KCNAB2: variants seen among roughly 807,000 people sequenced by gnomAD.
KCNAB2 encodes the protein potassium voltage-gated channel subfamily A regulatory beta subunit 2.
In KCNAB2, 29 loss-of-function variants were observed where a neutral mutation model predicts 63.6. The observed-to-expected ratio is 0.46, with a 90% CI of 0.34 to 0.62. The LOEUF (loss-of-function observed/expected upper bound fraction) is 0.62. KCNAB2 is among the 20% of genes least tolerant of loss of function. The pLI is 0.01. For missense variants in KCNAB2, 359 were observed against 563.9 expected, an observed-to-expected ratio of 0.64 and a Z score of 3.68; for synonymous variants, 222 against 224.2, an observed-to-expected ratio of 0.99 and a Z score of 0.09.
At chr1:6,092,058 T>C (rs1665236608) in intron 10 of KCNAB2, among the ~76,000 whole-genome samples, 2 of 152,206 alleles carry the variant, frequency 1.3e-5, no homozygotes, top group South Asian at 4.1e-4. Context: ...GTCTGCCAAC[T>C]GGTGCTGCCA....
At chr1:6,095,919 A>T (rs1571110659) in intron 13 of KCNAB2, among the ~76,000 whole-genome samples, 2 of 65,604 alleles carry the variant, frequency 3.0e-5, no homozygotes, top group Non-Finnish European at 5.8e-5. Context: ...CACATCCCCC[A>T]CCTCTGCCCC....
intron 1 of KCNAB2, among the ~76,000 whole-genome samples, chr1:6,050,011 C>T (rs1171749463): frequency 6.6e-6 from 1 of 152,178 alleles, no homozygotes; most frequent in Non-Finnish European, 1.5e-5. Context: ...AACTCCTGCC[C>T]CTTGTGGGTC....
intron 1 of KCNAB2, among the ~76,000 whole-genome samples, chr1:6,039,240 G>A (rs1473003270): frequency 1.3e-5 from 2 of 152,224 alleles, no homozygotes; most frequent in Admixed American, 1.3e-4. Flanking sequence ...GAAGGCGGGG[G>A]CCTGGGTCAA....
At chr1:6,050,105 G>A (rs1661261041) in intron 1 of KCNAB2, among the ~76,000 whole-genome samples, 1 of 152,224 alleles carries the variant, frequency 6.6e-6, no homozygotes, top group Non-Finnish European at 1.5e-5. Flanking sequence ...CAAGGACCGT[G>A]CTAAAGCCTC....
At chr1:6,091,194 G>A (rs368289228) in intron 9 of KCNAB2, 69 bp from the exon 10 acceptor site, 17 of 1,186,486 alleles carry the variant, frequency 1.4e-5, no homozygotes, top group East Asian at 1.3e-4. Flanking sequence ...CTGTGCCTTC[G>A]TCGTGCCACG....
intron 1 of KCNAB2, among the ~76,000 whole-genome samples, chr1:6,022,713 G>C (rs1201174025): frequency 6.6e-6 from 1 of 151,970 alleles, no homozygotes; most frequent in Non-Finnish European, 1.5e-5. Context: ...CTACTCTAGG[G>C]ACCTCAGATC....
At chr1:6,013,311 G>A (rs777650336) in intron 1 of KCNAB2, among the ~76,000 whole-genome samples, 8 of 152,026 alleles carry the variant, frequency 5.3e-5, no homozygotes, top group Non-Finnish European at 1.0e-4. Flanking sequence ...TGGGGTAGGC[G>A]CTTGGCAGAA....
intron 1 of KCNAB2, among the ~76,000 whole-genome samples, chr1:6,008,761 C>T (rs147813318): frequency 0.013 from 1,938 of 152,286 alleles, 14 homozygotes; most frequent in Middle Eastern, 0.024. Flanking sequence ...CGAACCACCA[C>T]CCCAGAGCTC....
chr1:6,009,125 G>A (rs1163161784), intron 1 of KCNAB2, among the ~76,000 whole-genome samples: 1 of 152,192 alleles, frequency 6.6e-6, no homozygotes. Context: ...TCTCATCTCG[G>A]GACATGAGCT....
rs946218287 is a variant in KCNAB2, at chr1:6,024,820, G to A, written c.-52-15697G>A. Among the ~76,000 whole-genome samples the A allele has an allele frequency of 2.0e-5, 3 of 152,182 alleles. No homozygotes were observed. Among genetic ancestry groups the A allele is most frequent in the Non-Finnish European group, 4.4e-5 (3 of 68,030 alleles). On this transcript the variant is annotated intron_variant, in intron 1 of 16. Coordinates refer to the KCNAB2 transcript ENST00000341524. The surrounding 1 kb of genome is among the most constrained non-coding windows in gnomAD (Gnocchi z 5.4). ...GGGCAGGAGGTCAAGGTATGTGTGA[G>A]GAAAGAACCCCAATTTCGAGCTGGA...
intron 5 of KCNAB2, among the ~76,000 whole-genome samples, chr1:6,084,543 C>T (rs564947700): frequency 2.9e-4 from 44 of 152,324 alleles, no homozygotes; most frequent in South Asian, 2.3e-3. Flanking sequence ...TGTCCCGGCG[C>T]GGTGGCTCAC....
intron 1 of KCNAB2, among the ~76,000 whole-genome samples, chr1:6,047,676 T>C (rs980819583): frequency 2.6e-5 from 4 of 152,068 alleles, no homozygotes; most frequent in African/African-American, 9.7e-5. Flanking sequence ...GTTCTACAAA[T>C]ATCTGAGCCC....
At chr1:6,064,553 G>C (rs914849889) in intron 2 of KCNAB2, among the ~76,000 whole-genome samples, 41 of 152,212 alleles carry the variant, frequency 2.7e-4, no homozygotes, top group Non-Finnish European at 1.2e-4. Context: ...TAGGGAGAAG[G>C]GTAGGGGGCA....
intron 1 of KCNAB2, among the ~76,000 whole-genome samples, chr1:5,999,592 A>C (rs1349396900): frequency 2.0e-5 from 3 of 152,120 alleles, no homozygotes; most frequent in African/African-American, 7.2e-5. Flanking sequence ...TTCAAATCTG[A>C]GATGTGCTTT....
At chr1:6,038,206 A>G (rs3761923) in intron 1 of KCNAB2, among the ~76,000 whole-genome samples, 15,158 of 151,964 alleles carry the variant, frequency 0.1, 1,077 homozygotes, top group East Asian at 0.32. Context: ...ATAAAACTCC[A>G]GGGGATCGTC....
At chr1:6,023,248 C>A in intron 1 of KCNAB2, among the ~76,000 whole-genome samples, 1 of 152,312 alleles carries the variant, frequency 6.6e-6, no homozygotes, top group South Asian at 2.1e-4. Flanking sequence ...GCAAATCATG[C>A]TACTGTGAAC....
Position 6,074,556 on chromosome 1 carries a change from G to T in KCNAB2, c.300+786G>T, listed in dbSNP as rs1055821121. Among the ~76,000 whole-genome samples, 1 of 152,234 alleles carries T rather than the reference G, an allele frequency of 6.6e-6. No individual in the cohort carries two copies. The highest frequency in any genetic ancestry group is 2.4e-5 in the African/African-American group (1 of 41,458). On this transcript the variant is annotated intron_variant, in intron 4 of 15. Coordinates refer to ENST00000378083, the MANE Select transcript of KCNAB2 (RefSeq NM_001199862.2). The surrounding 1 kb of genome is among the most constrained non-coding windows in gnomAD (Gnocchi z 4.9). ...AGGTTGCGTTTAAAAATTGATCAGC[G>T]AATTGATGTGAGACCTTGTTAGCTG...
In KCNAB2 at chr1:6,096,330, T is replaced by C; in HGVS notation, c.949-306T>C. ...GCAGCCGAGACCCCAGGCTGCCAAGTTTCCTAAGAGAAGGAAGGCCAGCAC... is the reference window on the plus strand; with the variant it reads ...GCAGCCGAGACCCCAGGCTGCCAAGCTTCCTAAGAGAAGGAAGGCCAGCAC... On this transcript the variant is annotated intron_variant, in intron 13 of 15. Coordinates refer to ENST00000378083, the MANE Select transcript of KCNAB2 (RefSeq NM_001199862.2). This position sits in a 1 kb window ranked among gnomAD's most constrained non-coding sequence, Gnocchi z 5.9. The C allele has an allele frequency of 2.2e-6, 1 of 452,858 alleles. No homozygotes were observed. Among genetic ancestry groups the C allele is most frequent in the East Asian group, 4.5e-5 (1 of 22,132 alleles). 28.1% of individuals were successfully genotyped at this position (452,858 alleles called of 1,614,324 possible).
intron 1 of KCNAB2, among the ~76,000 whole-genome samples, chr1:5,998,530 G>A (rs1269182471): frequency 6.6e-6 from 1 of 152,168 alleles, no homozygotes. Context: ...GTGTCACCTG[G>A]GGGTAGTGCC....
Sources: allele counts gnomAD v4.1 joint callset (sites outside exome capture counted in the v4.1 genomes callset), GRCh38; gene constraint gnomAD v4.1.1; non-coding constraint Gnocchi (gnomAD v3.1); transcripts MANE v1.5; gene names NCBI Gene and HGNC (gene_info 2026-07-23, HGNC 2026-07-21).